Variants in MAMLD1 observed in about 807,000 individuals in gnomAD.
MAMLD1 encodes mastermind like domain containing 1.
MAMLD1 carries 14 observed loss-of-function variants against 45.0 expected under a neutral mutation model. The ratio of observed to expected loss-of-function variants is 0.31; its 90% CI spans 0.21 to 0.49. The LOEUF (loss-of-function observed/expected upper bound fraction) is 0.49. Among genes scored for constraint, MAMLD1 ranks in the 20% least tolerant of loss-of-function variants. The pLI is 0.99. For missense variants in MAMLD1, 543 were observed against 603.6 expected (o/e 0.90, Z 1.05); for synonymous variants, 254 against 247.8 (o/e 1.02, Z -0.24).
chrX:150,486,415 T>A (rs2036989262), intron 5 of MAMLD1, among the ~76,000 whole-genome samples: 1 of 112,066 alleles, frequency 8.9e-6, no homozygotes, highest in South Asian at 3.7e-4. Flanking sequence ...TCATGTCAGC[T>A]GTGTCCCCCG....
At chrX:150,468,577 A>G (rs1387131902) in intron 3 of MAMLD1, among the ~76,000 whole-genome samples, 1 of 111,222 alleles carries the variant, frequency 9.0e-6, no homozygotes, top group Non-Finnish European at 1.9e-5. Context: ...TTACCTGCTA[A>G]CATACAGGTC....
intron 3 of MAMLD1, among the ~76,000 whole-genome samples, chrX:150,465,370 T>C (rs2036185521): frequency 8.9e-6 from 1 of 112,266 alleles, no homozygotes. Flanking sequence ...CCAGAAATAA[T>C]GTTGACTTCA....
chrX:150,426,514 C>G lies in MAMLD1; in HGVS notation c.-63-18940C>G, dbSNP rs7879640. Among the ~76,000 whole-genome samples the G allele has an allele frequency of 8.4e-3, 945 of 112,302 alleles. 13 individuals are homozygous for G. Among genetic ancestry groups the G allele is most frequent in the African/African-American group, 0.029 (898 of 30,967 alleles). On this transcript the variant is annotated intron_variant, in intron 1 of 7. Transcript: ENST00000370401. ...CTCCATTCCCATATGGCCCCTGTAC[C>G]ACAGTTTTGTCTACAGAAGTTTATA... is the stretch of plus-strand genomic sequence containing the variant.
chrX:150,377,293 G>A (rs1425922200), intron 1 of MAMLD1, among the ~76,000 whole-genome samples: 1 of 113,226 alleles, frequency 8.8e-6, no homozygotes, highest in Non-Finnish European at 1.9e-5. Flanking sequence ...TGGGCCTCAC[G>A]GTTCCCACTG....
chrX:150,398,819 T>C (rs188065542), intron 1 of MAMLD1, among the ~76,000 whole-genome samples: 297 of 111,574 alleles, frequency 2.7e-3, no homozygotes, highest in Middle Eastern at 4.6e-3. Flanking sequence ...GTAGGGCAGT[T>C]CTTTTTTATC....
intron 1 of MAMLD1, among the ~76,000 whole-genome samples, chrX:150,427,811 G>A (rs1187435750): frequency 8.9e-6 from 1 of 111,754 alleles, no homozygotes; most frequent in African/African-American, 3.3e-5. Context: ...ACACCTTTGA[G>A]CTTCTAAAGA....
intron 1 of MAMLD1, among the ~76,000 whole-genome samples, chrX:150,381,814 A>C (rs1303140601): frequency 8.9e-6 from 1 of 111,951 alleles, no homozygotes; most frequent in Non-Finnish European, 1.9e-5. Flanking sequence ...TCATCCATAT[A>C]ACTTCACGGA....
At chrX:150,427,978 T>G (rs1472089127) in intron 1 of MAMLD1, among the ~76,000 whole-genome samples, 1 of 111,058 alleles carries the variant, frequency 9.0e-6, no homozygotes, top group Non-Finnish European at 1.9e-5. Context: ...AGATGGGCAT[T>G]AGGGATCCAG....
chrX:150,424,565 GCC>G (rs1177764897), intron 1 of MAMLD1, among the ~76,000 whole-genome samples: 3 of 112,009 alleles, frequency 2.7e-5, no homozygotes, highest in African/African-American at 9.7e-5. Flanking sequence ...TGTGTTGATG[GCC>G]CATTTCAAAG....
Position 150,513,043 on chromosome X carries a change from G to A in MAMLD1, c.*1084G>A. ...AAAATGCCACAGCCCAGAATTCTGGGCAAGTCACCCAGGATGCTGGGGCAC... is the reference window on the plus strand; with the variant it reads ...AAAATGCCACAGCCCAGAATTCTGGACAAGTCACCCAGGATGCTGGGGCAC... On this transcript the variant is annotated 3_prime_UTR_variant, in exon 8 of 8. Coordinates refer to ENST00000370401, the MANE Select transcript of MAMLD1 (RefSeq NM_005491.5). 8.7e-7 allele frequency: 1 copy of A among 1,152,665 alleles called. No individual in the cohort carries two copies. Among genetic ancestry groups the A allele is most frequent in the South Asian group, 1.9e-5 (1 of 52,658 alleles). 95.0% of individuals were successfully genotyped at this position (1,152,665 alleles called of 1,213,427 possible). A position where few individuals can be genotyped will look rare whatever the true frequency, so the allele number is the denominator to read the frequency against.
intron 5 of MAMLD1, among the ~76,000 whole-genome samples, chrX:150,479,380 T>G (rs946153433): frequency 8.9e-6 from 1 of 111,852 alleles, no homozygotes; most frequent in African/African-American, 3.3e-5. Context: ...TAGATACAAT[T>G]TTTTTCATTG....
chrX:150,368,879 T>C (rs1190132643), intron 1 of MAMLD1, among the ~76,000 whole-genome samples: 6 of 111,997 alleles, frequency 5.4e-5, no homozygotes, highest in Non-Finnish European at 1.1e-4. Context: ...TGTAGATGTG[T>C]GGTATTATTT....
intron 6 of MAMLD1, 72 bp downstream of exon 6, chrX:150,503,589 G>A (rs1444036135): frequency 3.1e-6 from 2 of 646,501 alleles, no homozygotes; most frequent in Non-Finnish European, 5.0e-6. Flanking sequence ...CAGCCTGCCC[G>A]CCTGCCTCAC....
At chrX:150,413,339 T>C (rs1306666300) in intron 1 of MAMLD1, among the ~76,000 whole-genome samples, 4 of 111,323 alleles carry the variant, frequency 3.6e-5, no homozygotes, top group Non-Finnish European at 5.6e-5. Flanking sequence ...TGATGGAAGC[T>C]CAGCCATCAC....
At chrX:150,389,020 T>C (rs1557402110) in intron 1 of MAMLD1, among the ~76,000 whole-genome samples, 2 of 111,548 alleles carry the variant, frequency 1.8e-5, no homozygotes, top group East Asian at 2.8e-4. Context: ...CATGTCTTTA[T>C]AACTGCTGTT....
chrX:150,397,301 A>C (rs1557402295), intron 1 of MAMLD1, among the ~76,000 whole-genome samples: 1 of 112,126 alleles, frequency 8.9e-6, no homozygotes, highest in Non-Finnish European at 1.9e-5. Flanking sequence ...TCTTATATGT[A>C]TAAATTGTTA....
In MAMLD1 at chrX:150,462,804, T is replaced by C. The variant is rs1258971895; in HGVS notation, c.129T>C (p.Asp43=). 1 of 1,210,690 alleles carries C rather than the reference T, an allele frequency of 8.3e-7. No individual in the cohort carries two copies. Among genetic ancestry groups the C allele is most frequent in the Non-Finnish European group, 1.1e-6 (1 of 894,691 alleles). The change falls in exon 3 of 8, where the codon GAT becomes GAC. Residue 43 remains aspartate, a synonymous_variant. Coordinates refer to ENST00000370401, the MANE Select transcript of MAMLD1 (RefSeq NM_005491.5). The stretch of plus-strand genomic sequence containing the variant: ...AGCCCTCGTGGATGGAGGAAGAAGA[T>C]TTATCTTTTCTCTACAAGAGCAGCC... ...GKKPSWMEEE[D]LSFLYKSSPG...
At chrX:150,378,435 C>A (rs1255913743) in intron 1 of MAMLD1, among the ~76,000 whole-genome samples, 1 of 112,090 alleles carries the variant, frequency 8.9e-6, no homozygotes, top group Admixed American at 9.4e-5. Context: ...GTTCCTATTT[C>A]TTCCCGTTGC....
intron 5 of MAMLD1, among the ~76,000 whole-genome samples, chrX:150,498,630 C>T (rs1378372726): frequency 8.9e-6 from 1 of 112,536 alleles, no homozygotes; most frequent in Non-Finnish European, 1.9e-5. Flanking sequence ...AAGTGCTACA[C>T]ACTTCATGTG....
Sources: allele counts gnomAD v4.1 joint callset (sites outside exome capture counted in the v4.1 genomes callset), GRCh38; gene constraint gnomAD v4.1.1; transcripts MANE v1.5; gene names NCBI Gene and HGNC (gene_info 2026-07-23, HGNC 2026-07-21).